Variants in MMP28 observed in about 807,000 individuals in gnomAD.
The protein encoded by MMP28 is matrix metalloproteinase-28.
Under a neutral mutation model 60.5 loss-of-function variants are expected in MMP28, and 55 were observed. That is an observed-to-expected ratio of 0.91 (90% CI 0.73 to 1.14). MMP28 has a LOEUF of 1.14. Among genes scored for constraint, MMP28 ranks in the 50% most tolerant of loss-of-function variants. The pLI is 0.00. For synonymous variants in MMP28, 318 were observed against 312.5 expected (o/e 1.02, Z -0.18); for missense variants, 686 against 738.3 (o/e 0.93, Z 0.82).
chr17:35,766,449 A>C lies in MMP28; in HGVS notation c.*51T>G. ...AGGGGTTCTGCCCCGGGGGTGGGGA[A>C]CATGATTTTGCCCTGAGAGCACCAC... On this transcript the variant is annotated 3_prime_UTR_variant, in exon 8 of 8. Transcript: ENST00000605424. The surrounding 1 kb of genome is among the most constrained non-coding windows in gnomAD (Gnocchi z 4.3). 6.6e-7 allele frequency: 1 copy of C among 1,505,022 alleles called. No homozygotes were observed. Among genetic ancestry groups the C allele is most frequent in the Admixed American group, 2.0e-5 (1 of 50,412 alleles). The allele number at this position is 1,505,022 out of a possible 1,614,324, so 93.2% of individuals were successfully genotyped here. A position where few individuals can be genotyped will look rare whatever the true frequency, so the allele number is the denominator to read the frequency against.
At chr17:35,764,500 G>C, downstream of MMP28, 2 of 1,587,152 alleles carry the variant, frequency 1.3e-6, no homozygotes, top group Non-Finnish European at 8.6e-7. Flanking sequence ...GGCTGTGCTT[G>C]CTGCGAGCTC....
chr17:35,781,947 C>G (rs1370618795), intron 1 of MMP28, among the ~76,000 whole-genome samples: 1 of 152,012 alleles, frequency 6.6e-6, no homozygotes, highest in Non-Finnish European at 1.5e-5. Flanking sequence ...TCATTGCTCA[C>G]CACAGCCTCA....
chr17:35,789,657 G>A (rs1165003203), intron 1 of MMP28, among the ~76,000 whole-genome samples: 1 of 151,994 alleles, frequency 6.6e-6, no homozygotes, highest in Non-Finnish European at 1.5e-5. Flanking sequence ...GGTAATTTAG[G>A]AGTGTGTTGT....
intron 4 of MMP28, among the ~76,000 whole-genome samples, 156 bp from the exon 5 acceptor site, chr17:35,770,468 C>CAGT (rs1421773438): frequency 6.6e-6 from 1 of 152,196 alleles, no homozygotes; most frequent in Admixed American, 6.5e-5. Context: ...CAGAGGTGAA[C>CAGT]AGTAGGCTCT....
At chr17:35,795,198 G>A (rs1400583759) in intron 1 of MMP28, 69 bp downstream of exon 1, 1 of 1,045,570 alleles carries the variant, frequency 9.6e-7, no homozygotes, top group African/African-American at 1.7e-5. Context: ...ACTGCCGGGT[G>A]GCCTGACTGC....
Position 35,770,171 on chromosome 17 carries a change from G to C in MMP28, c.746C>G (p.Thr249Ser). 1 of 1,606,708 alleles carries C rather than the reference G, an allele frequency of 6.2e-7. No homozygotes were observed. The highest frequency in any genetic ancestry group is 8.5e-7 in the Non-Finnish European group (1 of 1,178,324). ...GAGCGCGCGCGGCGCGGGCGAGTGG[G>C]TGAGGCCAAGCGTGTGACCGATCTC... The part of the protein sequence containing the change: ...AHEIGHTLGL[T>S]HSPAPRALMA... The change falls in exon 5 of 8, where the codon ACC becomes AGC. Residue 249 changes from threonine to serine, a missense_variant. Transcript: ENST00000605424.
chr17:35,764,084 G>A, downstream of MMP28: 2 of 1,550,282 alleles, frequency 1.3e-6, no homozygotes, highest in Non-Finnish European at 8.7e-7. Context: ...AGGGAAGGAG[G>A]GGTCGGAGGA....
chr17:35,777,153 C>T (rs772601400), intron 3 of MMP28, among the ~76,000 whole-genome samples: 18 of 152,188 alleles, frequency 1.2e-4, no homozygotes, highest in African/African-American at 2.7e-4. Context: ...GATGAAGGAA[C>T]GGAGCCTCAG....
At chr17:35,792,664 C>T (rs2086847397) in intron 1 of MMP28, among the ~76,000 whole-genome samples, 1 of 152,220 alleles carries the variant, frequency 6.6e-6, no homozygotes, top group South Asian at 2.1e-4. Context: ...TTGTCCAATG[C>T]TGAAAATAGT....
chr17:35,764,435 C>A, downstream of MMP28: 1 of 1,541,830 alleles, frequency 6.5e-7, no homozygotes. Flanking sequence ...GGAAGCGGAG[C>A]CTCCCGGAGG....
chr17:35,782,388 A>G (rs1555609602), intron 1 of MMP28, among the ~76,000 whole-genome samples: 1 of 152,120 alleles, frequency 6.6e-6, no homozygotes, highest in African/African-American at 2.4e-5. Flanking sequence ...AAATAATTCC[A>G]ATCATAGCTG....
rs2085972738 is a variant in MMP28, at chr17:35,767,148, C to T, written c.1169-254G>A. The T allele has an allele frequency of 2.2e-5, 15 of 692,770 alleles. 1 individual carries two copies. Among genetic ancestry groups the T allele is most frequent in the South Asian group, 2.1e-4 (14 of 66,586 alleles). The allele number at this position is 692,770 out of a possible 1,614,324, so 42.9% of individuals were successfully genotyped here. On this transcript the variant is annotated intron_variant, in intron 7 of 7. Coordinates refer to ENST00000605424, the MANE Select transcript of MMP28 (RefSeq NM_024302.5). ...ATAGCCCCGAAAGGAAGGCCCAGAG[C>T]TTTCTCCACTGCCATCATTACTAAT...
At position 35,770,714 on chromosome 17, in the gene MMP28, A is replaced by ATGTGTGTGTGTG. The variant is rs56074641; in HGVS notation, c.605-414_605-403dup. Among the ~76,000 whole-genome samples the ATGTGTGTGTGTG allele has an allele frequency of 2.5e-3, 368 of 147,642 alleles. 3 individuals are homozygous for ATGTGTGTGTGTG. The highest frequency in any genetic ancestry group is 8.9e-3 in the African/African-American group (356 of 40,130). Reference sequence around the variant, plus strand: ...CTCACAGAGTTGTTCTGAATAATAAATGTGTGTGTGTGTGTGTGTGTGTGT... The same window carrying ATGTGTGTGTGTG: ...CTCACAGAGTTGTTCTGAATAATAAATGTGTGTGTGTGTGTGTGTGTGTGTGTGTGTGTGTGT... On this transcript the variant is annotated intron_variant, in intron 4 of 7. Transcript: ENST00000605424.
intron 2 of MMP28, chr17:35,756,437 A>G (rs1162031785): frequency 1.0e-6 from 1 of 984,206 alleles, no homozygotes; most frequent in East Asian, 1.1e-4. Context: ...AAAGCAGAAC[A>G]GAGAGGACGG....
At chr17:35,759,628 G>A (rs1555601117) in intron 2 of MMP28, among the ~76,000 whole-genome samples, 3 of 152,112 alleles carry the variant, frequency 2.0e-5, no homozygotes, top group African/African-American at 7.2e-5. Context: ...TTGAACCCGG[G>A]AGGCAGAGGT....
chr17:35,779,177 G>C (rs1049205799), intron 2 of MMP28, 67 bp downstream of exon 2: 23 of 1,567,862 alleles, frequency 1.5e-5, no homozygotes, highest in Non-Finnish European at 1.7e-6. Flanking sequence ...CAGGAGGAGG[G>C]AGGAAATGGT....
At position 35,786,699 on chromosome 17, in the gene MMP28, C is replaced by CCAAAAAAAAAAAAAAAAAAAAAA. The variant is rs2086657491; in HGVS notation, c.112-7377_112-7376insTTTTTTTTTTTTTTTTTTTTTTG. 4.2e-5 allele frequency among the ~76,000 whole-genome samples: 3 copies of CCAAAAAAAAAAAAAAAAAAAAAA among 71,068 alleles called. 1 individual carries two copies. The highest frequency in any genetic ancestry group is 1.9e-4 in the African/African-American group (3 of 15,740). The allele number at this position is 71,068 out of a possible 152,430, so 46.6% of individuals were successfully genotyped here. On this transcript the variant is annotated intron_variant, in intron 1 of 7. Coordinates refer to ENST00000605424, the MANE Select transcript of MMP28 (RefSeq NM_024302.5). ...GCCTCATAGTGAGATCCTGTCTCTA[C>CCAAAAAAAAAAAAAAAAAAAAAA]AAAAAAAAAAAAAAAAGATGAATGA... is the stretch of plus-strand genomic sequence containing the variant.
intron 1 of MMP28, 87 bp from the exon 2 acceptor site, chr17:35,779,410 C>T: frequency 9.4e-7 from 1 of 1,065,996 alleles, no homozygotes; most frequent in East Asian, 2.5e-5. Context: ...ACATCCTGCC[C>T]AGTCTCACCT....
downstream of MMP28, among the ~76,000 whole-genome samples, chr17:35,762,923 C>G (rs1336546655): frequency 2.6e-5 from 4 of 152,020 alleles, no homozygotes. Flanking sequence ...CAGATCGAGA[C>G]CATCCTGGCA....
Sources: allele counts gnomAD v4.1 joint callset (sites outside exome capture counted in the v4.1 genomes callset), GRCh38; gene constraint gnomAD v4.1.1; non-coding constraint Gnocchi (gnomAD v3.1); transcripts MANE v1.5; gene names NCBI Gene and HGNC (gene_info 2026-07-23, HGNC 2026-07-21).